Variants in RBFOX1 observed in about 807,000 individuals in gnomAD.
The protein encoded by RBFOX1 is RNA binding protein fox-1 homolog 1.
Under a neutral mutation model 57.7 loss-of-function variants are expected in RBFOX1, and 8 were observed. The ratio of observed to expected loss-of-function variants is 0.14; its 90% CI spans 0.08 to 0.25. The LOEUF (loss-of-function observed/expected upper bound fraction) is 0.25. RBFOX1 is among the 10% of genes least tolerant of loss of function. The pLI, the probability that RBFOX1 is intolerant of heterozygous loss-of-function variation, is 1.00. For missense variants in RBFOX1, 611 were observed against 548.5 expected (o/e 1.11, Z -1.14); for synonymous variants, 326 against 222.4 (o/e 1.47, Z -4.15).
intron 4 of RBFOX1, among the ~76,000 whole-genome samples, chr16:7,353,818 A>C (rs532502476): frequency 1.3e-5 from 2 of 152,310 alleles, no homozygotes; most frequent in Non-Finnish European, 2.9e-5. Flanking sequence ...GAGTATGGGA[A>C]GCGATCCTTT....
At chr16:5,803,098 G>A (rs2055111472) in intron 3 of RBFOX1, among the ~76,000 whole-genome samples, 1 of 152,056 alleles carries the variant, frequency 6.6e-6, no homozygotes, top group African/African-American at 2.4e-5. Context: ...TGGCAGGAAT[G>A]GGTTGGATGG....
At chr16:6,945,024 T>C (rs1290766421) in intron 3 of RBFOX1, among the ~76,000 whole-genome samples, 2 of 152,140 alleles carry the variant, frequency 1.3e-5, no homozygotes, top group South Asian at 2.1e-4. Context: ...CTTCTTCTTA[T>C]CTTAACATTC....
At chr16:7,510,205 C>G (rs1040663473) in intron 4 of RBFOX1, 4 of 985,882 alleles carry the variant, frequency 4.1e-6, no homozygotes, top group East Asian at 1.1e-4. Flanking sequence ...GCACAGCGCG[C>G]ACACCCTCGC....
intron 14 of RBFOX1, chr16:7,693,294 G>C: frequency 6.2e-7 from 1 of 1,611,054 alleles, no homozygotes; most frequent in African/African-American, 1.3e-5. Flanking sequence ...GCAGTATTGT[G>C]AATTTTATCT....
intron 9 of RBFOX1, among the ~76,000 whole-genome samples, chr16:7,601,542 T>C (rs2095024511): frequency 6.6e-6 from 1 of 152,122 alleles, no homozygotes; most frequent in Non-Finnish European, 1.5e-5. Context: ...AAACAGACAG[T>C]CTTTGAAAAA....
intron 4 of RBFOX1, among the ~76,000 whole-genome samples, chr16:7,429,809 C>G (rs1021888686): frequency 6.6e-6 from 1 of 152,180 alleles, no homozygotes; most frequent in Non-Finnish European, 1.5e-5. Flanking sequence ...TAACAGCAAA[C>G]TCTGCCTTTC....
intron 1 of RBFOX1, among the ~76,000 whole-genome samples, chr16:6,064,749 C>G (rs1596891648): frequency 6.6e-6 from 1 of 151,854 alleles, no homozygotes; most frequent in Non-Finnish European, 1.5e-5. Context: ...ACCATATTAG[C>G]CAGGATGTAT....
At chr16:6,881,492 A>G (rs36040812) in intron 3 of RBFOX1, among the ~76,000 whole-genome samples, 38,315 of 151,872 alleles carry the variant, frequency 0.25, 5,030 homozygotes, top group African/African-American at 0.32. Context: ...GGTCAGCTAC[A>G]TAGAGAGCCT....
intron 2 of RBFOX1, among the ~76,000 whole-genome samples, chr16:5,507,585 TAAC>T (rs2043421754): frequency 6.6e-6 from 1 of 152,230 alleles, no homozygotes; most frequent in South Asian, 2.1e-4. Flanking sequence ...GTTGAAGTCC[TAAC>T]CCTTCATGCC....
At chr16:6,251,742 GATGCTTCCTCTTC>G (rs2097614456) in intron 1 of RBFOX1, among the ~76,000 whole-genome samples, 1 of 152,100 alleles carries the variant, frequency 6.6e-6, no homozygotes, top group African/African-American at 2.4e-5. Context: ...GACCCAAACT[GATGCTTCCTCTTC>G]ATGCTGCCCC....
intron 4 of RBFOX1, among the ~76,000 whole-genome samples, chr16:7,281,664 G>T (rs1474445436): frequency 1.3e-5 from 2 of 152,090 alleles, no homozygotes; most frequent in Non-Finnish European, 2.9e-5. Flanking sequence ...ACAGTGTCCA[G>T]CCACTGAGAG....
chr16:5,607,954 T>A (rs534873722), intron 3 of RBFOX1, among the ~76,000 whole-genome samples: 1 of 152,334 alleles, frequency 6.6e-6, no homozygotes, highest in Admixed American at 6.5e-5. Flanking sequence ...GGGTTGTTTG[T>A]AGTTTGGGGC....
chr16:6,840,278 T>G (rs1162654045), intron 3 of RBFOX1, among the ~76,000 whole-genome samples: 1 of 152,274 alleles, frequency 6.6e-6, no homozygotes, highest in Non-Finnish European at 1.5e-5. Flanking sequence ...CTGAAAGACC[T>G]TCCGAAAAAT....
intron 4 of RBFOX1, among the ~76,000 whole-genome samples, chr16:7,234,731 C>G (rs1603422671): frequency 6.7e-6 from 1 of 150,300 alleles, no homozygotes; most frequent in South Asian, 2.1e-4. Context: ...TCACCAAATC[C>G]TTGTAAATAC....
intron 2 of RBFOX1, among the ~76,000 whole-genome samples, chr16:6,518,452 A>G (rs549953323): frequency 2.0e-4 from 31 of 152,208 alleles, no homozygotes; most frequent in African/African-American, 7.5e-4. Context: ...CATTTCAATT[A>G]ATGTGCTTCT....
intron 11 of RBFOX1, among the ~76,000 whole-genome samples, chr16:7,642,884 A>C (rs916430615): frequency 1.3e-5 from 2 of 152,234 alleles, no homozygotes; most frequent in African/African-American, 4.8e-5. Context: ...AAACACTCCA[A>C]GACTGAGACT....
At chr16:6,631,822 C>T (rs1406628070) in intron 2 of RBFOX1, among the ~76,000 whole-genome samples, 2 of 151,776 alleles carry the variant, frequency 1.3e-5, no homozygotes, top group Admixed American at 6.6e-5. Context: ...GGGGGTAGAG[C>T]GGGTGCATGC....
At chr16:6,214,924 G>A (rs1464287550) in intron 1 of RBFOX1, among the ~76,000 whole-genome samples, 1 of 134,848 alleles carries the variant, frequency 7.4e-6, no homozygotes, top group African/African-American at 2.8e-5. Context: ...GGGGGAGAGG[G>A]AGAGGGAGAG....
chr16:6,648,946 G>A (rs556933250), intron 2 of RBFOX1, among the ~76,000 whole-genome samples: 29 of 152,210 alleles, frequency 1.9e-4, no homozygotes, highest in Middle Eastern at 3.4e-3. Flanking sequence ...ACCTCACAAC[G>A]TCATTTTTTT....
Sources: gnomAD v4.1 joint callset for allele counts (sites outside exome capture counted in the v4.1 genomes callset) on GRCh38, gnomAD v4.1.1 for gene constraint, MANE v1.5 for transcripts, NCBI Gene and HGNC (gene_info 2026-07-23, HGNC 2026-07-21) for gene names.